The following ZSCAN25 variants were observed in gnomAD, a reference collection of about 807,000 sequenced individuals.
ZSCAN25 encodes the protein zinc finger and SCAN domain containing 25, also known as zinc finger and SCAN domain-containing protein 25.
ZSCAN25 carries 27 observed loss-of-function variants against 38.7 expected under a neutral mutation model. That is an observed-to-expected ratio of 0.70 (90% CI 0.51 to 0.96). The LOEUF is 0.96. Ranked by LOEUF, ZSCAN25 falls within the 40% of genes least tolerant of loss-of-function variation. ZSCAN25 has a pLI of 0.00. For synonymous variants in ZSCAN25, 273 were observed against 277.7 expected, an observed-to-expected ratio of 0.98 and a Z score of 0.17; for missense variants, 637 against 705.9, an observed-to-expected ratio of 0.90 and a Z score of 1.11.
the ZSCAN25 span, chr7:99,695,663 C>T: frequency 1.7e-6 from 2 of 1,179,738 alleles, no homozygotes; most frequent in Non-Finnish European, 2.5e-6. Flanking sequence ...GACCTTCCTC[C>T]TGAGGAGAAG....
chr7:99,730,420 A>G, the ZSCAN25 span, among the ~76,000 whole-genome samples: 1 of 152,340 alleles, frequency 6.6e-6, no homozygotes, highest in South Asian at 2.1e-4. Flanking sequence ...TTCAAAGGAA[A>G]AGAAGTAAAG....
the ZSCAN25 span, chr7:99,679,796 A>T: frequency 1.2e-6 from 2 of 1,611,542 alleles, no homozygotes; most frequent in Middle Eastern, 3.3e-4. Flanking sequence ...GTCCAAGGAA[A>T]CAAAGAGAGG....
the ZSCAN25 span, among the ~76,000 whole-genome samples, chr7:99,701,486 G>A: frequency 1.3e-5 from 2 of 152,198 alleles, no homozygotes; most frequent in Non-Finnish European, 1.5e-5. Flanking sequence ...CGGGATTTCT[G>A]GATCTTATGA....
the ZSCAN25 span, among the ~76,000 whole-genome samples, chr7:99,690,737 A>G: frequency 1.3e-5 from 2 of 152,114 alleles, no homozygotes; most frequent in Non-Finnish European, 2.9e-5. Flanking sequence ...TCAAAACCAC[A>G]ATGAGATACC....
the ZSCAN25 span, among the ~76,000 whole-genome samples, chr7:99,690,772 T>G: frequency 6.6e-6 from 1 of 152,006 alleles, no homozygotes; most frequent in Non-Finnish European, 1.5e-5. Flanking sequence ...AGAATGGTGA[T>G]CATTAAAAAG....
chr7:99,685,856 C>T, the ZSCAN25 span, among the ~76,000 whole-genome samples: 1 of 152,214 alleles, frequency 6.6e-6, no homozygotes, highest in African/African-American at 2.4e-5. Flanking sequence ...GGCCCAGGGA[C>T]TCCCAGCATC....
chr7:99,676,892 G>A, the ZSCAN25 span, among the ~76,000 whole-genome samples: 2 of 152,152 alleles, frequency 1.3e-5, no homozygotes, highest in Non-Finnish European at 2.9e-5. Context: ...CTCAGTCTCT[G>A]TGGTCAGATG....
the ZSCAN25 span, among the ~76,000 whole-genome samples, chr7:99,686,701 C>T: frequency 5.1e-3 from 772 of 152,278 alleles, 8 homozygotes; most frequent in African/African-American, 0.017. Context: ...AACGGGCAGG[C>T]TGCCTCCTCA....
chr7:99,651,944 G>A, the ZSCAN25 span, among the ~76,000 whole-genome samples: 3 of 152,230 alleles, frequency 2.0e-5, no homozygotes, highest in South Asian at 6.2e-4. Flanking sequence ...AAACCATTAG[G>A]GATGAGGACT....
the ZSCAN25 span, chr7:99,660,552 G>T: frequency 6.2e-7 from 1 of 1,613,840 alleles, no homozygotes; most frequent in Non-Finnish European, 8.5e-7. Flanking sequence ...TGGACATCAG[G>T]GTGAGTGGCC....
In ZSCAN25 at chr7:99,631,068, G is replaced by A. The variant is rs1373613052; in HGVS notation, c.*1048G>A. The A allele has an allele frequency of 1.0e-6, 1 of 983,862 alleles. No homozygotes were observed. 60.9% of individuals were successfully genotyped at this position (983,862 alleles called of 1,614,324 possible). On this transcript the variant is annotated 3_prime_UTR_variant, in exon 8 of 8. Coordinates refer to ENST00000394152, the MANE Select transcript of ZSCAN25 (RefSeq NM_145115.3). ...GAGACACATCCATGAATAAAATAGG[G>A]GGAGAAGCTGTTGACCTCGTAGAGC... is the stretch of plus-strand genomic sequence containing the variant.
the ZSCAN25 span, among the ~76,000 whole-genome samples, chr7:99,723,999 C>T: frequency 6.6e-6 from 1 of 152,174 alleles, no homozygotes; most frequent in African/African-American, 2.4e-5. Context: ...ACAAGTACCA[C>T]CTCCCCTGGG....
Position 99,630,930 on chromosome 7 carries a change from T to G in ZSCAN25, c.*910T>G. 1.0e-6 allele frequency: 1 copy of G among 967,010 alleles called. No individual in the cohort carries two copies. The highest frequency in any genetic ancestry group is 1.2e-6 in the Non-Finnish European group (1 of 813,144). 59.9% of individuals were successfully genotyped at this position (967,010 alleles called of 1,614,324 possible). ...AACTCTAGTATTAATGCCCTATATT[T>G]GATGGCACTTTATAGTTCATAAAAT... On this transcript the variant is annotated 3_prime_UTR_variant, in exon 8 of 8. Coordinates refer to ENST00000394152, the MANE Select transcript of ZSCAN25 (RefSeq NM_145115.3).
the ZSCAN25 span, among the ~76,000 whole-genome samples, chr7:99,667,788 T>C: frequency 6.6e-6 from 1 of 152,206 alleles, no homozygotes; most frequent in Admixed American, 6.5e-5. Context: ...GAGAGACAGT[T>C]CCTTCATTTG....
chr7:99,730,885 A>G, the ZSCAN25 span: 21 of 776,286 alleles, frequency 2.7e-5, no homozygotes, highest in African/African-American at 2.3e-4. Flanking sequence ...GGTTCCTGAG[A>G]GTTAGCAAGA....
the ZSCAN25 span, among the ~76,000 whole-genome samples, chr7:99,680,644 G>C: frequency 5.0e-3 from 767 of 152,224 alleles, 8 homozygotes; most frequent in African/African-American, 0.017. Flanking sequence ...AGTTGTCTTG[G>C]GTGAGATTGC....
At position 99,619,578 on chromosome 7, in the gene ZSCAN25, T is replaced by G. The variant is rs371796008; in HGVS notation, c.-29T>G. The G allele has an allele frequency of 3.8e-6, 6 of 1,585,496 alleles. No individual in the cohort carries two copies. The African/African-American group carries it at 8.1e-5, about 21-fold the overall frequency. On this transcript the variant is annotated 5_prime_UTR_variant, in exon 4 of 8. Coordinates refer to ENST00000394152, the MANE Select transcript of ZSCAN25 (RefSeq NM_145115.3). ...CTCAAAAGGGTCATTGATGCAGTCA[T>G]TCTCAGTCTCCTCGGAGGGAGTCTG...
At chr7:99,662,528 G>A in the ZSCAN25 span, among the ~76,000 whole-genome samples, 1 of 152,178 alleles carries the variant, frequency 6.6e-6, no homozygotes, top group Non-Finnish European at 1.5e-5. This position sits in a 1 kb window ranked among gnomAD's most constrained non-coding sequence, Gnocchi z 4.3. Flanking sequence ...GGTGGATCTG[G>A]AGGAGGCTGA....
At chr7:99,693,121 CTGTT>C in the ZSCAN25 span, among the ~76,000 whole-genome samples, 1 of 152,008 alleles carries the variant, frequency 6.6e-6, no homozygotes, top group Admixed American at 6.6e-5. Context: ...CTATTTCTGT[CTGTT>C]AGTTTTTCTT....
Sources: allele counts gnomAD v4.1 joint callset (sites outside exome capture counted in the v4.1 genomes callset), GRCh38; gene constraint gnomAD v4.1.1; non-coding constraint Gnocchi (gnomAD v3.1); transcripts MANE v1.5; gene names NCBI Gene and HGNC (gene_info 2026-07-23, HGNC 2026-07-21).